ARMC3: variants seen among roughly 807,000 people sequenced by gnomAD.
ARMC3 encodes the protein armadillo repeat containing 3, also known as armadillo repeat-containing protein 3.
ARMC3 carries 74 observed loss-of-function variants against 90.3 expected under a neutral mutation model. The ratio of observed to expected loss-of-function variants is 0.82; its 90% CI spans 0.68 to 0.99. The LOEUF (loss-of-function observed/expected upper bound fraction) is 0.99, where lower values mean the gene tolerates loss of function less well. Ranked by LOEUF, ARMC3 falls within the 50% of genes least tolerant of loss-of-function variation. ARMC3 has a pLI of 0.00. For synonymous variants in ARMC3, 334 were observed against 361.8 expected (o/e 0.92, Z 0.87); for missense variants, 958 against 1,042.8 (o/e 0.92, Z 1.12).
At chr10:22,996,887 C>T (rs12249351) in intron 10 of ARMC3, among the ~76,000 whole-genome samples, 1 of 151,462 alleles carries the variant, frequency 6.6e-6, no homozygotes, top group Non-Finnish European at 1.5e-5. Context: ...AATTCATCAC[C>T]ATACAGGATG....
At chr10:22,999,131 T>G (rs143237899) in intron 11 of ARMC3, among the ~76,000 whole-genome samples, 9 of 151,038 alleles carry the variant, frequency 6.0e-5, no homozygotes, top group African/African-American at 2.2e-4. Flanking sequence ...TGTGGGTTAT[T>G]ATATGTACTC....
chr10:23,014,324 T>A (rs1054052), intron 16 of ARMC3: 945,883 of 1,389,984 alleles, frequency 0.68, 328,097 homozygotes, highest in Non-Finnish European at 0.71. Flanking sequence ...TCAATGTGCG[T>A]CCCTTCTCTC....
At chr10:22,982,128 G>A (rs540378452) in intron 10 of ARMC3, among the ~76,000 whole-genome samples, 1 of 152,340 alleles carries the variant, frequency 6.6e-6, no homozygotes, top group African/African-American at 2.4e-5. Context: ...TGTAATCTCA[G>A]CACTTTGGGA....
chr10:22,943,195 T>C (rs73600576), intron 2 of ARMC3, among the ~76,000 whole-genome samples: 5,509 of 152,276 alleles, frequency 0.036, 310 homozygotes, highest in African/African-American at 0.12. Flanking sequence ...CAATTTTGCT[T>C]TTTAATCCAA....
At chr10:23,016,252 A>T (rs1234923515) in intron 16 of ARMC3, among the ~76,000 whole-genome samples, 2 of 152,200 alleles carry the variant, frequency 1.3e-5, no homozygotes, top group African/African-American at 4.8e-5. Flanking sequence ...AAACCCCAAG[A>T]GGGCTGGGTT....
At chr10:23,021,534 C>T (rs908068098) in intron 16 of ARMC3, among the ~76,000 whole-genome samples, 1 of 152,048 alleles carries the variant, frequency 6.6e-6, no homozygotes, top group African/African-American at 2.4e-5. Context: ...AGACGGTATT[C>T]TCATTATGGT....
rs149194693 is a variant in ARMC3, at chr10:23,030,724, T to C, written c.2174T>C (p.Met725Thr). The change falls in exon 17 of 19, where the codon ATG becomes ACG. Residue 725 changes from methionine to threonine, a missense_variant. Physicochemically the swap from Met to Thr is moderately conservative, Grantham distance 81. Transcript: ENST00000298032. ...WCPPSDPDFS[M>T]YVYEVTKSIL... is the part of the protein sequence containing the mutation. ...CCTCCCTCTGACCCTGATTTCTCTA[T>C]GTATGTGTATGAGGTGACCAAATCA... is the stretch of plus-strand genomic sequence containing the variant. 5.5e-4 allele frequency: 881 copies of C among 1,613,904 alleles called. 6 individuals carry two copies. The highest frequency in any genetic ancestry group is 6.7e-4 in the Non-Finnish European group (787 of 1,179,834).
At chr10:23,009,082 T>C (rs1837791550) in intron 16 of ARMC3, 151 bp downstream of exon 16, 1 of 667,594 alleles carries the variant, frequency 1.5e-6, no homozygotes, top group African/African-American at 1.8e-5. Context: ...TTTTGTCTCT[T>C]ACCATCTCTT....
At chr10:23,006,817 T>A in intron 13 of ARMC3, 67 bp from the exon 14 acceptor site, 2 of 1,244,580 alleles carry the variant, frequency 1.6e-6, no homozygotes, top group Non-Finnish European at 2.4e-6. Flanking sequence ...ATATATTCTA[T>A]CTGTATTCAT....
intron 12 of ARMC3, among the ~76,000 whole-genome samples, chr10:23,002,774 G>C (rs1309850483): frequency 6.6e-6 from 1 of 151,808 alleles, no homozygotes; most frequent in Non-Finnish European, 1.5e-5. Context: ...AGGTTTTGCC[G>C]TGTTGGCCAG....
chr10:23,014,583 A>G (rs1172808324), intron 16 of ARMC3: 3 of 777,484 alleles, frequency 3.9e-6, no homozygotes, highest in Non-Finnish European at 4.7e-6. Context: ...GGATAAAGAA[A>G]ATGTGGTACA....
intron 8 of ARMC3, among the ~76,000 whole-genome samples, chr10:22,976,533 A>G (rs900583078): frequency 2.6e-5 from 4 of 152,224 alleles, no homozygotes; most frequent in Middle Eastern, 6.8e-3. Context: ...TTGTTCTTCA[A>G]ATTACCAGAC....
In ARMC3 at chr10:23,008,301, A is replaced by T; in HGVS notation, c.1855A>T (p.Lys619Ter). ...TTCTCCACCTTCATCTATGGAAGATAAATCAGATGTTGGTTATGGACGAAG... is the reference window on the plus strand; with the variant it reads ...TTCTCCACCTTCATCTATGGAAGATTAATCAGATGTTGGTTATGGACGAAG... ...YVSPPSSMED[K>*]SDVGYGRSIS... The change falls in exon 15 of 19, where the codon AAA becomes TAA. Residue 619 changes from lysine to a stop codon, truncating the protein, a stop_gained. Coordinates refer to ENST00000298032, the MANE Select transcript of ARMC3 (RefSeq NM_173081.5). LOFTEE classifies it high-confidence loss of function. 1 of 1,548,538 alleles carries T rather than the reference A, an allele frequency of 6.5e-7. No homozygotes were observed. Among genetic ancestry groups the T allele is most frequent in the Non-Finnish European group, 8.8e-7 (1 of 1,135,656 alleles).
At chr10:23,017,125 G>C (rs1474503164) in intron 16 of ARMC3, among the ~76,000 whole-genome samples, 2 of 151,986 alleles carry the variant, frequency 1.3e-5, no homozygotes, top group African/African-American at 4.8e-5. Flanking sequence ...ATCTCTCTGG[G>C]AAATACTAAC....
chr10:22,936,088 T>C (rs1226345391), intron 2 of ARMC3, among the ~76,000 whole-genome samples: 2 of 152,212 alleles, frequency 1.3e-5, no homozygotes, highest in East Asian at 3.8e-4. Flanking sequence ...TTTGTATTTT[T>C]TTTAGACCTG....
chr10:22,971,948 A>G (rs1292831611), intron 8 of ARMC3, among the ~76,000 whole-genome samples: 1 of 152,150 alleles, frequency 6.6e-6, no homozygotes, highest in African/African-American at 2.4e-5. Context: ...ATGATTAGCA[A>G]CTTCAAGCAT....
intron 16 of ARMC3, among the ~76,000 whole-genome samples, chr10:23,024,258 C>A (rs1838623752): frequency 6.6e-6 from 1 of 152,094 alleles, no homozygotes; most frequent in Non-Finnish European, 1.5e-5. Context: ...ACAAATAAAG[C>A]CCTTCTCAGG....
chr10:22,999,920 C>T (rs9971201), intron 11 of ARMC3, among the ~76,000 whole-genome samples: 3,566 of 152,312 alleles, frequency 0.023, 148 homozygotes, highest in African/African-American at 0.083. Flanking sequence ...AGGTGCTCTG[C>T]TGGGTATCAG....
At chr10:23,017,521 T>C (rs1838331633) in intron 16 of ARMC3, among the ~76,000 whole-genome samples, 1 of 152,208 alleles carries the variant, frequency 6.6e-6, no homozygotes, top group Non-Finnish European at 1.5e-5. Flanking sequence ...TCCCAACACT[T>C]TGGGAGGCCG....
Sources: gnomAD v4.1 joint callset for allele counts (sites outside exome capture counted in the v4.1 genomes callset) on GRCh38, gnomAD v4.1.1 for gene constraint, MANE v1.5 for transcripts, NCBI Gene and HGNC (gene_info 2026-07-23, HGNC 2026-07-21) for gene names.